Variants in HS2ST1 observed in about 807,000 individuals in gnomAD.
HS2ST1 encodes the protein 2-O-sulfotransferase.
A neutral mutation model predicts 42.9 loss-of-function variants in HS2ST1; 18 were observed. The observed-to-expected ratio is 0.42, with a 90% CI of 0.29 to 0.62. The LOEUF is 0.62. HS2ST1 is among the 20% of genes least tolerant of loss of function. The pLI is 0.21. For synonymous variants in HS2ST1, 146 were observed against 152.9 expected, an observed-to-expected ratio of 0.95 and a Z score of 0.33; for missense variants, 334 against 433.8, an observed-to-expected ratio of 0.77 and a Z score of 2.04.
intron 1 of HS2ST1, among the ~76,000 whole-genome samples, chr1:86,978,241 G>A (rs945068314): frequency 6.6e-6 from 1 of 152,180 alleles, no homozygotes; most frequent in Non-Finnish European, 1.5e-5. Flanking sequence ...GTCATTAGGA[G>A]ATGCATAACT....
At chr1:87,025,471 A>C (rs1650060188) in intron 1 of HS2ST1, among the ~76,000 whole-genome samples, 3 of 152,236 alleles carry the variant, frequency 2.0e-5, no homozygotes, top group Admixed American at 1.3e-4. Context: ...CCTCAGCCCT[A>C]GGATCACAAA....
At chr1:87,021,570 A>AATG (rs1270479248) in intron 1 of HS2ST1, among the ~76,000 whole-genome samples, 2 of 152,204 alleles carry the variant, frequency 1.3e-5, no homozygotes, top group African/African-American at 2.4e-5. Context: ...GGTGGAGTAC[A>AATG]ATGGCACAAT....
chr1:87,017,426 C>T (rs1649792192), intron 1 of HS2ST1, among the ~76,000 whole-genome samples: 1 of 152,314 alleles, frequency 6.6e-6, no homozygotes, highest in East Asian at 1.9e-4. Flanking sequence ...CATAAGCCAC[C>T]ACACCCGGCC....
rs60436612 is a variant in HS2ST1 at position 87,108,552 on chromosome 1, T to A, written c.*3856T>A. The A allele has an allele frequency of 2.5e-3, 382 of 152,204 alleles. 3 individuals carry two copies. The highest frequency in any genetic ancestry group is 8.7e-3 in the African/African-American group (363 of 41,574). The allele number at this position is 152,204 out of a possible 1,614,324, so 9.4% of individuals were successfully genotyped here. ...CTAAACTACTCTTTAGGCAGCCTTC[T>A]GAGGAGAAAAGCAACCCTGTTTCAA... On this transcript the variant is annotated 3_prime_UTR_variant, in exon 7 of 7. Transcript: ENST00000370550.
In HS2ST1 at chr1:87,045,764, C is replaced by A. The variant is rs1650638424; in HGVS notation, c.125-27170C>A. Reference sequence around the variant, plus strand: ...TCATATTCATACTGAAAATATGCATCCTGAGGTTTGTAGCAGAGGTAACAA... The same window carrying A: ...TCATATTCATACTGAAAATATGCATACTGAGGTTTGTAGCAGAGGTAACAA... On this transcript the variant is annotated intron_variant, in intron 1 of 6. Transcript: ENST00000370550. 4.3e-6 allele frequency: 4 copies of A among 925,302 alleles called. No individual in the cohort carries two copies. In the South Asian group the frequency reaches 5.2e-5, roughly 12 times the overall value. 57.3% of individuals were successfully genotyped at this position (925,302 alleles called of 1,614,324 possible).
intron 1 of HS2ST1, among the ~76,000 whole-genome samples, chr1:87,005,572 C>T (rs1649415082): frequency 6.6e-6 from 1 of 152,096 alleles, no homozygotes; most frequent in Non-Finnish European, 1.5e-5. Flanking sequence ...ATTGTGGATT[C>T]AATAATTAAT....
At chr1:87,098,029 G>T (rs1455591542) in intron 5 of HS2ST1, 94 bp downstream of exon 5, 4 of 1,554,972 alleles carry the variant, frequency 2.6e-6, no homozygotes, top group Non-Finnish European at 3.5e-6. Flanking sequence ...AGGGAAATCG[G>T]TGAAAGACTA....
chr1:87,101,663 C>T (rs1778008), intron 5 of HS2ST1, among the ~76,000 whole-genome samples: 105,749 of 152,060 alleles, frequency 0.7, 39,027 homozygotes, highest in East Asian at 0.97. Context: ...AAACCAGTCT[C>T]GACTTAAGAA....
intron 1 of HS2ST1, among the ~76,000 whole-genome samples, chr1:87,069,435 A>G (rs1651345264): frequency 6.6e-6 from 1 of 152,232 alleles, no homozygotes; most frequent in Admixed American, 6.5e-5. Context: ...CTTTGCTAAA[A>G]AAAAGAATTA....
intron 1 of HS2ST1, among the ~76,000 whole-genome samples, chr1:86,970,573 G>C (rs975284100): frequency 8.6e-5 from 13 of 151,866 alleles, no homozygotes; most frequent in Non-Finnish European, 1.8e-4. Flanking sequence ...GCAAATTTTT[G>C]TTTTGAAATG....
In HS2ST1 at chr1:86,914,641, G is replaced by A; in HGVS notation, c.-396G>A. On this transcript the variant is annotated 5_prime_UTR_variant, in exon 1 of 7. Coordinates refer to ENST00000370550, the MANE Select transcript of HS2ST1 (RefSeq NM_012262.4). ...GGGCGGGGATGAGGGCGGCGCAGCCGCAGCGCCGGTGGAGGGGCGCGCGGC... is the reference window on the plus strand; with the variant it reads ...GGGCGGGGATGAGGGCGGCGCAGCCACAGCGCCGGTGGAGGGGCGCGCGGC... 4.9e-6 allele frequency: 1 copy of A among 205,658 alleles called. No individual in the cohort carries two copies. Among genetic ancestry groups the A allele is most frequent in the Non-Finnish European group, 9.9e-6 (1 of 101,214 alleles). The allele number at this position is 205,658 out of a possible 1,614,324, so 12.7% of individuals were successfully genotyped here.
intron 1 of HS2ST1, among the ~76,000 whole-genome samples, chr1:86,985,387 C>T (rs1322986500): frequency 7.0e-4 from 19 of 27,062 alleles, no homozygotes; most frequent in Admixed American, 1.3e-3. Flanking sequence ...TATATATACA[C>T]ACACACACAC....
intron 1 of HS2ST1, among the ~76,000 whole-genome samples, chr1:87,005,391 T>C (rs1335334707): frequency 6.6e-6 from 1 of 151,982 alleles, no homozygotes; most frequent in Non-Finnish European, 1.5e-5. Context: ...TTTTAACTAA[T>C]TGACTCTTAA....
At chr1:86,944,459 G>T (rs1647269394) in intron 1 of HS2ST1, among the ~76,000 whole-genome samples, 2 of 152,006 alleles carry the variant, frequency 1.3e-5, no homozygotes, top group African/African-American at 4.8e-5. Flanking sequence ...GGTTCTAGGA[G>T]TTCTCATACC....
intron 1 of HS2ST1, among the ~76,000 whole-genome samples, chr1:86,955,759 C>A (rs778100209): frequency 6.6e-6 from 1 of 152,146 alleles, no homozygotes; most frequent in Non-Finnish European, 1.5e-5. Flanking sequence ...CCAAGGTGGG[C>A]GGATTGCCTG....
intron 1 of HS2ST1, among the ~76,000 whole-genome samples, chr1:87,054,741 A>G (rs547871364): frequency 6.4e-4 from 98 of 152,286 alleles, no homozygotes; most frequent in African/African-American, 7.2e-4. Flanking sequence ...TCTGCACTCT[A>G]TCGGCCAGCT....
At chr1:86,963,915 G>A (rs1247035557) in intron 1 of HS2ST1, among the ~76,000 whole-genome samples, 4 of 150,572 alleles carry the variant, frequency 2.7e-5, no homozygotes, top group East Asian at 2.0e-4. Context: ...CCCACCTCCC[G>A]GACGGGGCGG....
At chr1:87,000,414 T>G (rs575205253) in intron 1 of HS2ST1, among the ~76,000 whole-genome samples, 5 of 152,338 alleles carry the variant, frequency 3.3e-5, no homozygotes, top group Non-Finnish European at 5.9e-5. Flanking sequence ...CCAAAAAGTA[T>G]GTAGAACATA....
chr1:87,042,810 C>T (rs1650555369), intron 1 of HS2ST1, among the ~76,000 whole-genome samples: 1 of 152,100 alleles, frequency 6.6e-6, no homozygotes, highest in Non-Finnish European at 1.5e-5. Flanking sequence ...TTCTGTATGT[C>T]TGGGAATATG....
Sources: gnomAD v4.1 joint callset for allele counts (sites outside exome capture counted in the v4.1 genomes callset) on GRCh38, gnomAD v4.1.1 for gene constraint, MANE v1.5 for transcripts, NCBI Gene and HGNC (gene_info 2026-07-23, HGNC 2026-07-21) for gene names.